Variants in VTI1A observed in about 807,000 individuals in gnomAD.
VTI1A encodes vesicle transport through interaction with t-SNAREs 1A.
In VTI1A, 22 loss-of-function variants were observed where a neutral mutation model predicts 34.9. The observed-to-expected ratio is 0.63, with a 90% confidence interval of 0.45 to 0.90. VTI1A has a LOEUF of 0.90. Among genes scored for constraint, VTI1A ranks in the 40% least tolerant of loss-of-function variants. The pLI, the probability that VTI1A is intolerant of heterozygous loss-of-function variation, is 0.00. For synonymous variants in VTI1A, 87 were observed against 97.3 expected (o/e 0.89, Z 0.62); for missense variants, 268 against 275.6 (o/e 0.97, Z 0.20).
At chr10:112,626,686 G>C (rs919307146) in intron 5 of VTI1A, among the ~76,000 whole-genome samples, 1 of 152,154 alleles carries the variant, frequency 6.6e-6, no homozygotes, top group South Asian at 2.1e-4. Flanking sequence ...AGGACCATAT[G>C]TGTTGGTCAA....
chr10:112,785,719 G>T (rs1307362843), intron 7 of VTI1A, among the ~76,000 whole-genome samples: 2 of 151,988 alleles, frequency 1.3e-5, no homozygotes, highest in African/African-American at 2.4e-5. Flanking sequence ...TTAAATATGG[G>T]TACCCAATTT....
intron 1 of VTI1A, chr10:112,449,777 C>CTTTTTTTAAGTTTTT (rs1337329244): frequency 6.6e-6 from 1 of 152,000 alleles, no homozygotes; most frequent in Admixed American, 6.6e-5. Flanking sequence ...TAAAAAAAAA[C>CTTTTTTTAAGTTTTT]TATGTCTTTC....
At chr10:112,614,434 A>T (rs1053610058) in intron 5 of VTI1A, among the ~76,000 whole-genome samples, 1 of 152,206 alleles carries the variant, frequency 6.6e-6, no homozygotes, top group South Asian at 2.1e-4. Context: ...GTGGCTTACC[A>T]TAAGTTTATG....
intron 1 of VTI1A, among the ~76,000 whole-genome samples, chr10:112,453,281 T>C (rs1847308999): frequency 6.6e-6 from 1 of 152,186 alleles, no homozygotes; most frequent in Non-Finnish European, 1.5e-5. Context: ...TGTTAACCTT[T>C]ATCACGTGGC....
chr10:112,648,617 CCTTATTCTGT>C (rs1434108291), intron 5 of VTI1A, among the ~76,000 whole-genome samples: 1 of 152,056 alleles, frequency 6.6e-6, no homozygotes, highest in East Asian at 1.9e-4. Context: ...ATTTATTCTG[CCTTATTCTGT>C]CTTACTCTGT....
chr10:112,632,003 CA>C (rs1846147073), intron 5 of VTI1A, among the ~76,000 whole-genome samples: 1 of 152,078 alleles, frequency 6.6e-6, no homozygotes, highest in Admixed American at 6.6e-5. Flanking sequence ...GTAATTATAA[CA>C]ATATAATTGT....
intron 3 of VTI1A, among the ~76,000 whole-genome samples, chr10:112,515,530 A>G (rs577956151): frequency 1.3e-5 from 2 of 152,146 alleles, no homozygotes; most frequent in East Asian, 1.9e-4. Context: ...CTTTATGGAT[A>G]TTGAAGACAT....
intron 5 of VTI1A, 92 bp from the exon 6 acceptor site, chr10:112,668,126 C>CAAT: frequency 2.0e-6 from 2 of 1,019,568 alleles, no homozygotes; most frequent in Non-Finnish European, 3.0e-6. Context: ...ATGCATGCAA[C>CAAT]TTTAACATTT....
chr10:112,536,966 G>T (rs552431471), intron 4 of VTI1A, among the ~76,000 whole-genome samples: 1 of 152,158 alleles, frequency 6.6e-6, no homozygotes, highest in South Asian at 2.1e-4. Flanking sequence ...GGAGGCACTG[G>T]TCTAGGTGTA....
At chr10:112,576,816 A>G (rs941205706) in intron 5 of VTI1A, among the ~76,000 whole-genome samples, 5 of 152,204 alleles carry the variant, frequency 3.3e-5, no homozygotes, top group Non-Finnish European at 5.9e-5. Flanking sequence ...ATCATGACCT[A>G]TAGTAAGAAA....
intron 7 of VTI1A, among the ~76,000 whole-genome samples, chr10:112,812,388 G>C (rs981110990): frequency 2.0e-5 from 3 of 152,216 alleles, no homozygotes; most frequent in Non-Finnish European, 2.9e-5. Context: ...CACTAGCTGG[G>C]AACCCCTTGG....
intron 5 of VTI1A, among the ~76,000 whole-genome samples, chr10:112,620,320 C>A (rs977475651): frequency 1.3e-5 from 2 of 152,126 alleles, no homozygotes; most frequent in Admixed American, 1.3e-4. Flanking sequence ...AGACACACTG[C>A]CTGCTCTGGA....
At chr10:112,548,342 A>C (rs1851214816) in intron 5 of VTI1A, among the ~76,000 whole-genome samples, 1 of 152,120 alleles carries the variant, frequency 6.6e-6, no homozygotes, top group Non-Finnish European at 1.5e-5. Context: ...ATGGGTCTCA[A>C]AATTCTGTGA....
chr10:112,722,236 A>C (rs548328334), intron 7 of VTI1A, among the ~76,000 whole-genome samples: 58 of 152,196 alleles, frequency 3.8e-4, no homozygotes, highest in Admixed American at 3.6e-3. Flanking sequence ...ATCTATATTC[A>C]GATAAGATTT....
Position 112,697,946 on chromosome 10 carries a change from A to G in VTI1A, c.560+28948A>G, listed in dbSNP as rs547216981. 4.0e-5 allele frequency among the ~76,000 whole-genome samples: 6 copies of G among 151,190 alleles called. No individual in the cohort carries two copies. The East Asian group carries it at 1.2e-3, about 29-fold the overall frequency. On this transcript the variant is annotated intron_variant, in intron 7 of 7. Transcript: ENST00000393077. ...CCCTGTAGAAAAGCATTAATAGCAC[A>G]TTCTGGGTTTTGTCTACTTTTATTC...
intron 5 of VTI1A, among the ~76,000 whole-genome samples, chr10:112,603,134 G>A (rs1244912918): frequency 1.3e-5 from 2 of 152,214 alleles, no homozygotes; most frequent in Non-Finnish European, 2.9e-5. Flanking sequence ...GTATTACCAT[G>A]CTGGCTGTAT....
At chr10:112,669,124 C>G (rs1847753669) in intron 7 of VTI1A, 126 bp downstream of exon 7, 3 of 1,026,818 alleles carry the variant, frequency 2.9e-6, no homozygotes, top group Non-Finnish European at 2.9e-6. Flanking sequence ...TGTGCAGGAC[C>G]CATTTGAAAT....
At chr10:112,635,698 C>G (rs1174175596) in intron 5 of VTI1A, among the ~76,000 whole-genome samples, 1 of 152,064 alleles carries the variant, frequency 6.6e-6, no homozygotes, top group Non-Finnish European at 1.5e-5. Flanking sequence ...AGAGATAATT[C>G]AAAGAAAGAT....
chr10:112,795,625 G>A (rs1241906883), intron 7 of VTI1A, among the ~76,000 whole-genome samples: 1 of 151,836 alleles, frequency 6.6e-6, no homozygotes. Flanking sequence ...AGTAGAGACA[G>A]GGTTTCACTA....
Sources: allele counts gnomAD v4.1 joint callset (sites outside exome capture counted in the v4.1 genomes callset), GRCh38; gene constraint gnomAD v4.1.1; transcripts MANE v1.5; gene names NCBI Gene and HGNC (gene_info 2026-07-23, HGNC 2026-07-21).